The following QPRT variants were observed in gnomAD, a reference collection of about 807,000 sequenced individuals.
QPRT encodes the protein nicotinate-nucleotide pyrophosphorylase [carboxylating].
QPRT carries 17 observed loss-of-function variants against 19.8 expected under a neutral mutation model. The observed-to-expected ratio is 0.86, with a 90% confidence interval of 0.59 to 1.29. The LOEUF is 1.29. Among genes scored for constraint, QPRT ranks in the 50% most tolerant of loss-of-function variants. The pLI is 0.00. For missense variants in QPRT, 336 were observed against 405.1 expected, an observed-to-expected ratio of 0.83 and a Z score of 1.46; for synonymous variants, 178 against 191.0, an observed-to-expected ratio of 0.93 and a Z score of 0.56.
rs1967589369 is a variant in QPRT at position 29,697,577 on chromosome 16, T to G, written c.*166T>G. 1.5e-6 allele frequency: 1 copy of G among 681,274 alleles called. No homozygotes were observed. The highest frequency in any genetic ancestry group is 2.4e-6 in the Non-Finnish European group (1 of 411,026). The allele number at this position is 681,274 out of a possible 1,614,324, so 42.2% of individuals were successfully genotyped here. On this transcript the variant is annotated 3_prime_UTR_variant, in exon 4 of 4. Coordinates refer to ENST00000395384, the MANE Select transcript of QPRT (RefSeq NM_014298.6). This position sits in a 1 kb window ranked among gnomAD's most constrained non-coding sequence, Gnocchi z 4.4. ...GCTCCTGTGACCTGTCAGGGCTGAC[T>G]TCACCTCTGCTCATCTCAGTTTCCT...
chr16:29,691,680 TG>T (rs1967339457), intron 1 of QPRT, among the ~76,000 whole-genome samples: 1 of 151,170 alleles, frequency 6.6e-6, no homozygotes, highest in East Asian at 1.9e-4. Context: ...GGAGTGGGAG[TG>T]GGGGATTAGG....
intron 1 of QPRT, among the ~76,000 whole-genome samples, chr16:29,686,318 CTCAGCCCCAAATG>C (rs1258925819): frequency 6.6e-6 from 1 of 152,120 alleles, no homozygotes; most frequent in Non-Finnish European, 1.5e-5. Flanking sequence ...GATCAGTTTT[CTCAGCCCCAAATG>C]TCAGCCCCAC....
At chr16:29,691,202 T>C (rs989414249) in intron 1 of QPRT, among the ~76,000 whole-genome samples, 1 of 150,432 alleles carries the variant, frequency 6.6e-6, no homozygotes, top group Non-Finnish European at 1.5e-5. Flanking sequence ...CTGTCTCTAC[T>C]AAAAATACAA....
At chr16:29,679,816 A>C (rs1966938581) in intron 1 of QPRT, among the ~76,000 whole-genome samples, 1 of 152,098 alleles carries the variant, frequency 6.6e-6, no homozygotes, top group Non-Finnish European at 1.5e-5. Context: ...TTTATTGAGT[A>C]CAATCTTTTG....
At chr16:29,682,188 C>G (rs1967026478) in intron 1 of QPRT, among the ~76,000 whole-genome samples, 1 of 149,616 alleles carries the variant, frequency 6.7e-6, no homozygotes, top group African/African-American at 2.5e-5. Flanking sequence ...TGCCACCACA[C>G]CTGGCTAATT....
At chr16:29,690,687 T>C (rs936146216) in intron 1 of QPRT, among the ~76,000 whole-genome samples, 1 of 152,048 alleles carries the variant, frequency 6.6e-6, no homozygotes, top group African/African-American at 2.4e-5. Flanking sequence ...TGTGTATCAG[T>C]AGTTGGTTTC....
At chr16:29,681,053 T>C (rs989624657) in intron 1 of QPRT, among the ~76,000 whole-genome samples, 1 of 150,652 alleles carries the variant, frequency 6.6e-6, no homozygotes, top group African/African-American at 2.4e-5. Flanking sequence ...GCTGGCCCCA[T>C]ACACCCGGTC....
chr16:29,691,814 G>C (rs1967344062), intron 1 of QPRT, among the ~76,000 whole-genome samples: 1 of 152,164 alleles, frequency 6.6e-6, no homozygotes, highest in Non-Finnish European at 1.5e-5. Context: ...GGGCAGATGT[G>C]GGAGAGAATG....
At chr16:29,681,490 A>ATGCT (rs1967000613) in intron 1 of QPRT, among the ~76,000 whole-genome samples, 1 of 69,746 alleles carries the variant, frequency 1.4e-5, no homozygotes, top group Non-Finnish European at 2.6e-5. Flanking sequence ...TCAGATCCAG[A>ATGCT]TTCTTTTTTT....
Position 29,686,132 on chromosome 16 carries a change from T to A in QPRT, c.13+6922T>A, listed in dbSNP as rs1967154288. On this transcript the variant is annotated intron_variant, in intron 1 of 3. Coordinates refer to ENST00000395384, the MANE Select transcript of QPRT (RefSeq NM_014298.6). ...ACCTCGGCCTCCCAAAGTGCTGGAATTACAGGTGTGAGCCACTGTGTCCGG... is the reference window on the plus strand; with the variant it reads ...ACCTCGGCCTCCCAAAGTGCTGGAAATACAGGTGTGAGCCACTGTGTCCGG... 3.9e-5 allele frequency among the ~76,000 whole-genome samples: 6 copies of A among 152,276 alleles called. No homozygotes were observed. The South Asian group carries it at 1.2e-3, about 32-fold the overall frequency.
At position 29,695,019 on chromosome 16, in the gene QPRT, G is replaced by A. The variant is rs567632718; in HGVS notation, c.369G>A (p.Glu123=). The change falls in exon 2 of 4, where the codon GAG becomes GAA. Residue 123 remains glutamate (E), a synonymous_variant. Transcript: ENST00000395384. Reference sequence around the variant, plus strand: ...CCAGTGCTGCCGCCGCTGCAGTGGAGGCCGCCAGGGGGGCCGGCTGGACTG... The same window carrying A: ...CCAGTGCTGCCGCCGCTGCAGTGGAAGCCGCCAGGGGGGCCGGCTGGACTG... The part of the protein sequence containing the change: ...GIASAAAAAV[E]AARGAGWTGH... 1.1e-5 allele frequency: 18 copies of A among 1,605,006 alleles called. No individual in the cohort carries two copies. In the African/African-American group the frequency reaches 1.5e-4, roughly 13 times the overall value.
chr16:29,683,709 G>A (rs886166236), intron 1 of QPRT, among the ~76,000 whole-genome samples: 3 of 152,134 alleles, frequency 2.0e-5, no homozygotes, highest in African/African-American at 7.2e-5. Flanking sequence ...AGCAGGGTGG[G>A]GGCTGGCTCT....
chr16:29,693,185 T>G (rs990307491), intron 1 of QPRT, among the ~76,000 whole-genome samples: 7 of 152,228 alleles, frequency 4.6e-5, no homozygotes, highest in African/African-American at 1.7e-4. Context: ...TATTATTGAC[T>G]GTAGTCACCC....
Position 29,694,923 on chromosome 16 carries a change from G to A in QPRT, c.273G>A (p.Arg91=), listed in dbSNP as rs1336114297. 26 of 1,613,366 alleles carry A rather than the reference G, an allele frequency of 1.6e-5. No homozygotes were observed. The highest frequency in any genetic ancestry group is 2.2e-5 in the Non-Finnish European group (26 of 1,179,868). Residue 91 remains arginine, a synonymous_variant, in exon 2 of 4, where the codon CGG becomes CGA. Coordinates refer to ENST00000395384, the MANE Select transcript of QPRT (RefSeq NM_014298.6). ...CGGTGGCCAGAGTGGCCGAGGTCCG[G>A]GGCCCTGCCCACTGCCTGCTGCTGG... ...LVPVARVAEV[R]GPAHCLLLGE...
chr16:29,695,005 G>A lies in QPRT; in HGVS notation c.355G>A (p.Ala119Thr), dbSNP rs1306590993. 8 of 1,605,128 alleles carry A rather than the reference G, an allele frequency of 5.0e-6. No homozygotes were observed. The highest frequency in any genetic ancestry group is 5.9e-6 in the Non-Finnish European group (7 of 1,178,914). ...CTGCAGTGGCATTGCCAGTGCTGCC[G>A]CCGCTGCAGTGGAGGCCGCCAGGGG... ...ARCSGIASAA[A>T]AAVEAARGAG... The change falls in exon 2 of 4, where the codon GCC becomes ACC. Residue 119 changes from alanine (A) to threonine (T), a missense_variant. By Grantham distance (58) the Ala-to-Thr change is moderately conservative. Transcript: ENST00000395384.
At chr16:29,684,369 T>C (rs1394503045) in intron 1 of QPRT, among the ~76,000 whole-genome samples, 6 of 152,068 alleles carry the variant, frequency 3.9e-5, no homozygotes, top group Non-Finnish European at 8.8e-5. Context: ...TATCTCGGCT[T>C]ACTGCAACCT....
intron 1 of QPRT, among the ~76,000 whole-genome samples, chr16:29,686,456 C>G (rs995425511): frequency 6.6e-6 from 1 of 152,180 alleles, no homozygotes; most frequent in Non-Finnish European, 1.5e-5. Flanking sequence ...CACGCCTACC[C>G]TGTGCTAGAC....
chr16:29,694,474 C>T (rs1371010832), intron 1 of QPRT, among the ~76,000 whole-genome samples, 190 bp from the exon 2 acceptor site: 2 of 152,134 alleles, frequency 1.3e-5, no homozygotes, highest in African/African-American at 4.8e-5. Context: ...ACAGCACTCC[C>T]TCACCCTCGC....
intron 1 of QPRT, among the ~76,000 whole-genome samples, chr16:29,685,588 C>T (rs1174774368): frequency 1.3e-5 from 2 of 152,202 alleles, no homozygotes. Flanking sequence ...CGCGCCCAGC[C>T]TACTTTTTGT....
Sources: gnomAD v4.1 joint callset for allele counts (sites outside exome capture counted in the v4.1 genomes callset) on GRCh38, gnomAD v4.1.1 for gene constraint, Gnocchi (gnomAD v3.1) non-coding constraint, MANE v1.5 for transcripts, NCBI Gene and HGNC (gene_info 2026-07-23, HGNC 2026-07-21) for gene names.